The following ZC3H12C variants were observed in gnomAD, a reference collection of about 807,000 sequenced individuals.
ZC3H12C encodes probable ribonuclease ZC3H12C.
ZC3H12C carries 20 observed loss-of-function variants against 76.3 expected under a neutral mutation model. The ratio of observed to expected loss-of-function variants is 0.26; its 90% confidence interval spans 0.18 to 0.38. The LOEUF (loss-of-function observed/expected upper bound fraction) is 0.38, where lower values mean the gene tolerates loss of function less well. Ranked by LOEUF, ZC3H12C falls within the 10% of genes least tolerant of loss-of-function variation. ZC3H12C has a pLI of 1.00. For missense variants in ZC3H12C, 874 were observed against 1,086.5 expected (o/e 0.80, Z 2.75); for synonymous variants, 352 against 399.6 (o/e 0.88, Z 1.42).
chr11:110,140,993 A>G (rs1862058103), intron 2 of ZC3H12C, among the ~76,000 whole-genome samples: 1 of 152,164 alleles, frequency 6.6e-6, no homozygotes, highest in African/African-American at 2.4e-5. Context: ...ATTGTGGACA[A>G]CTCCTGGAAA....
chr11:110,161,544 T>G (rs938390522), intron 4 of ZC3H12C, among the ~76,000 whole-genome samples: 2 of 152,176 alleles, frequency 1.3e-5, no homozygotes, highest in African/African-American at 4.8e-5. Context: ...AAGAATATAT[T>G]TTCTCATTTA....
chr11:110,101,314 A>G (rs568530874), intron 1 of ZC3H12C, among the ~76,000 whole-genome samples: 1 of 152,358 alleles, frequency 6.6e-6, no homozygotes, highest in Admixed American at 6.5e-5. Flanking sequence ...TCTAGCCAAG[A>G]TAATTGATGA....
intron 1 of ZC3H12C, among the ~76,000 whole-genome samples, chr11:110,093,683 G>C (rs537990257): frequency 6.6e-6 from 1 of 152,130 alleles, no homozygotes; most frequent in South Asian, 2.1e-4. Flanking sequence ...CGCCGTCCCC[G>C]CCGGGATTTC....
intron 1 of ZC3H12C, among the ~76,000 whole-genome samples, chr11:110,117,513 A>G (rs562564395): frequency 6.6e-6 from 1 of 151,604 alleles, no homozygotes; most frequent in South Asian, 2.1e-4. Flanking sequence ...TGCTTGCTAT[A>G]TGCCTTGCAC....
At chr11:110,112,169 C>T (rs986363183) in intron 1 of ZC3H12C, among the ~76,000 whole-genome samples, 3 of 152,200 alleles carry the variant, frequency 2.0e-5, no homozygotes, top group African/African-American at 7.2e-5. Context: ...ATGTAAGCAT[C>T]GGAACACCTT....
At chr11:110,117,651 T>TAC (rs201029016) in intron 1 of ZC3H12C, among the ~76,000 whole-genome samples, 4,581 of 143,948 alleles carry the variant, frequency 0.032, 157 homozygotes, top group East Asian at 0.084. Flanking sequence ...TATATATATA[T>TAC]ACACACACAC....
At chr11:110,148,051 A>G (rs1294094537) in intron 2 of ZC3H12C, among the ~76,000 whole-genome samples, 9 of 152,242 alleles carry the variant, frequency 5.9e-5, no homozygotes. Flanking sequence ...CAGAAAAAGC[A>G]GAAGGAGCAA....
At chr11:110,106,574 GTGGTAATGTCA>G (rs1861333029) in intron 1 of ZC3H12C, among the ~76,000 whole-genome samples, 1 of 152,130 alleles carries the variant, frequency 6.6e-6, no homozygotes, top group South Asian at 2.1e-4. Flanking sequence ...AATACATATC[GTGGTAATGTCA>G]TGGTAATGGT....
rs546412064 is a variant in ZC3H12C at position 110,100,524 on chromosome 11, G to A, written c.21+7092G>A. ...CCGTAAGTCAAGCAAGTCTGTCTGC[G>A]CCATTTTTCCAATAGCATTTGCTCC... On this transcript the variant is annotated intron_variant, in intron 1 of 5. Coordinates refer to ENST00000278590, the MANE Select transcript of ZC3H12C (RefSeq NM_033390.2). 4.6e-5 allele frequency among the ~76,000 whole-genome samples: 7 copies of A among 152,194 alleles called. No homozygotes were observed. In the East Asian group the frequency reaches 5.8e-4, roughly 13 times the overall value.
Position 110,165,125 on chromosome 11 carries a change from C to T in ZC3H12C, c.2040C>T (p.Phe680=). The change falls in exon 6 of 6, where the codon TTC becomes TTT. Residue 680 remains phenylalanine (F), a synonymous_variant. Coordinates refer to ENST00000278590, the MANE Select transcript of ZC3H12C (RefSeq NM_033390.2). Reference sequence around the variant, plus strand: ...ATCCTCAACCGTTCCTGCAGAATTTCCACGACCCCTTAACCAGAGGGCAAA... The same window carrying T: ...ATCCTCAACCGTTCCTGCAGAATTTTCACGACCCCTTAACCAGAGGGCAAA... ...RLNPQPFLQN[F]HDPLTRGQSY... 3 of 1,613,832 alleles carry T rather than the reference C, an allele frequency of 1.9e-6. No individual in the cohort carries two copies. Among genetic ancestry groups the T allele is most frequent in the Non-Finnish European group, 2.5e-6 (3 of 1,179,894 alleles).
intron 1 of ZC3H12C, among the ~76,000 whole-genome samples, chr11:110,116,649 T>C (rs1457702318): frequency 6.6e-6 from 1 of 152,260 alleles, no homozygotes; most frequent in African/African-American, 2.4e-5. Context: ...TTTTCTGTAC[T>C]GCAATTTCAT....
chr11:110,141,263 C>T (rs745715863), intron 2 of ZC3H12C, among the ~76,000 whole-genome samples: 4 of 152,056 alleles, frequency 2.6e-5, no homozygotes, highest in Non-Finnish European at 5.9e-5. Context: ...AGGGAAAATG[C>T]ATTAAGCTGT....
chr11:110,131,233 T>C, intron 1 of ZC3H12C: 3 of 745,524 alleles, frequency 4.0e-6, no homozygotes, highest in Non-Finnish European at 6.6e-6. Context: ...AGTGCCAACA[T>C]ACCAGAAAAT....
intron 2 of ZC3H12C, among the ~76,000 whole-genome samples, chr11:110,148,737 C>A (rs1451961126): frequency 1.3e-5 from 2 of 152,220 alleles, no homozygotes; most frequent in Non-Finnish European, 2.9e-5. Context: ...GAGCAGAAAA[C>A]CCCTGCATCC....
chr11:110,105,909 C>G (rs1369646613), intron 1 of ZC3H12C, among the ~76,000 whole-genome samples: 4 of 152,098 alleles, frequency 2.6e-5, no homozygotes, highest in Non-Finnish European at 2.9e-5. Context: ...ATATATAGGT[C>G]TGTTTAACAT....
At position 110,164,903 on chromosome 11, in the gene ZC3H12C, C is replaced by G; in HGVS notation, c.1818C>G (p.Ser606Arg). Reference sequence around the variant, plus strand: ...ATCTGAGTCTCTCAGGCCCACGAAGCCCTGAAAGGCGTTTCTCCTTAGACA... The same window carrying G: ...ATCTGAGTCTCTCAGGCCCACGAAGGCCTGAAAGGCGTTTCTCCTTAGACA... ...YSNLSLSGPR[S>R]PERRFSLDTD... Residue 606 changes from serine (S) to arginine (R), a missense_variant, in exon 6 of 6, where the codon AGC (serine) becomes AGG (arginine). Coordinates refer to ENST00000278590, the MANE Select transcript of ZC3H12C (RefSeq NM_033390.2). The surrounding 1 kb of genome is among the most constrained non-coding windows in gnomAD (Gnocchi z 5.7). 1 of 1,614,016 alleles carries G rather than the reference C, an allele frequency of 6.2e-7. No individual in the cohort carries two copies. The highest frequency in any genetic ancestry group is 8.5e-7 in the Non-Finnish European group (1 of 1,179,890).
At chr11:110,160,028 G>T (rs984819153) in intron 4 of ZC3H12C, among the ~76,000 whole-genome samples, 3 of 152,236 alleles carry the variant, frequency 2.0e-5, no homozygotes, top group Non-Finnish European at 4.4e-5. Context: ...AACTTGTATA[G>T]CATGCTACTG....
chr11:110,107,587 G>T (rs949882511), intron 1 of ZC3H12C, among the ~76,000 whole-genome samples: 1 of 151,702 alleles, frequency 6.6e-6, no homozygotes, highest in Non-Finnish European at 1.5e-5. Flanking sequence ...GTGCAATGGT[G>T]CAATCTTGGC....
At chr11:110,160,706 T>C (rs1274432392) in intron 4 of ZC3H12C, among the ~76,000 whole-genome samples, 1 of 152,198 alleles carries the variant, frequency 6.6e-6, no homozygotes, top group Non-Finnish European at 1.5e-5. Context: ...ACTTCCTGAA[T>C]GAACTGCATG....
Sources: allele counts gnomAD v4.1 joint callset (sites outside exome capture counted in the v4.1 genomes callset), GRCh38; gene constraint gnomAD v4.1.1; non-coding constraint Gnocchi (gnomAD v3.1); transcripts MANE v1.5; gene names NCBI Gene and HGNC (gene_info 2026-07-23, HGNC 2026-07-21).